Variants in AK5 observed in about 807,000 individuals in gnomAD.
AK5 encodes adenylate kinase isoenzyme 5.
In AK5, 27 loss-of-function variants were observed where a neutral mutation model predicts 69.5. That is an observed-to-expected ratio of 0.39 (90% confidence interval 0.29 to 0.54). AK5 has a LOEUF of 0.54. Ranked by LOEUF, AK5 falls within the 20% of genes least tolerant of loss-of-function variation. AK5 has a pLI of 0.71. For synonymous variants in AK5, 260 were observed against 244.4 expected, an observed-to-expected ratio of 1.06 and a Z score of -0.60; for missense variants, 531 against 700.4, an observed-to-expected ratio of 0.76 and a Z score of 2.73.
chr1:77,333,596 T>G (rs1001215265), intron 5 of AK5, among the ~76,000 whole-genome samples: 6 of 150,528 alleles, frequency 4.0e-5, no homozygotes, highest in Non-Finnish European at 7.4e-5. Context: ...TTTTTTGTGA[T>G]TATTCTAGAG....
At chr1:77,367,883 A>AT (rs1553140089) in intron 6 of AK5, among the ~76,000 whole-genome samples, 3,900 of 7,366 alleles carry the variant, frequency 0.53, 1,663 homozygotes, top group Middle Eastern at 1. Context: ...ATATAATATA[A>AT]AATATATGTG....
In AK5 at chr1:77,536,039, G is replaced by C. The variant is rs758437839; in HGVS notation, c.1620+1G>C. Reference sequence around the variant, plus strand: ...CGAGACAAAAACACAGCTACACAAGGCGAGTCACTTCACTTTCTCCTCTGA... The same window carrying C: ...CGAGACAAAAACACAGCTACACAAGCCGAGTCACTTCACTTTCTCCTCTGA... On this transcript the variant is annotated splice_donor_variant, in intron 13 of 13. Coordinates refer to ENST00000354567, the MANE Select transcript of AK5 (RefSeq NM_174858.3). LOFTEE classifies it high-confidence loss of function. 4.4e-6 allele frequency: 7 copies of C among 1,605,184 alleles called. No homozygotes were observed. Among genetic ancestry groups the C allele is most frequent in the Non-Finnish European group, 5.9e-6 (7 of 1,176,920 alleles).
chr1:77,456,921 T>A (rs74092652), intron 8 of AK5, among the ~76,000 whole-genome samples: 6,664 of 143,852 alleles, frequency 0.046, 376 homozygotes, highest in East Asian at 0.19. Context: ...GTAGTTTCCT[T>A]AAAAAAAAAA....
chr1:77,290,340 G>C lies in AK5; in HGVS notation c.247+3213G>C, dbSNP rs182151329. Among the ~76,000 whole-genome samples the C allele has an allele frequency of 3.7e-4, 56 of 152,288 alleles. No homozygotes were observed. In the East Asian group the frequency reaches 9.6e-3, roughly 26 times the overall value. ...ATTCAACAAAATTGCTAACTGCCCA[G>C]TATCTTAAAGCATACTGATTATTTC... is the stretch of plus-strand genomic sequence containing the variant. On this transcript the variant is annotated intron_variant, in intron 2 of 13. Coordinates refer to ENST00000354567, the MANE Select transcript of AK5 (RefSeq NM_174858.3).
intron 6 of AK5, among the ~76,000 whole-genome samples, chr1:77,396,236 C>T (rs942995593): frequency 6.6e-6 from 1 of 152,184 alleles, no homozygotes; most frequent in Non-Finnish European, 1.5e-5. Context: ...ATTTTTAAAT[C>T]TATTTGCATA....
intron 8 of AK5, among the ~76,000 whole-genome samples, chr1:77,428,827 C>T (rs1164505364): frequency 1.3e-5 from 2 of 151,472 alleles, no homozygotes; most frequent in Admixed American, 1.3e-4. Flanking sequence ...TTGTTCAATT[C>T]CCACCTATGA....
chr1:77,543,664 C>G (rs974664899), intron 13 of AK5, among the ~76,000 whole-genome samples: 5 of 152,118 alleles, frequency 3.3e-5, no homozygotes, highest in Non-Finnish European at 7.3e-5. Flanking sequence ...TCTCAAGTAG[C>G]TGGGACCATA....
intron 8 of AK5, among the ~76,000 whole-genome samples, chr1:77,437,788 T>G (rs904951948): frequency 1.3e-5 from 2 of 151,172 alleles, no homozygotes; most frequent in African/African-American, 2.4e-5. Context: ...ATTTAAAGGG[T>G]TTTTTTTTCC....
chr1:77,372,419 T>A (rs1390994626), intron 6 of AK5, among the ~76,000 whole-genome samples: 1 of 152,182 alleles, frequency 6.6e-6, no homozygotes, highest in Non-Finnish European at 1.5e-5. Context: ...GAAAAACAGT[T>A]ATTACATTTC....
At chr1:77,462,305 A>ATGGG (rs1314050597) in intron 8 of AK5, among the ~76,000 whole-genome samples, 1 of 22,644 alleles carries the variant, frequency 4.4e-5, no homozygotes, top group Non-Finnish European at 1.1e-4. Context: ...TGTTGGATAG[A>ATGGG]TGGATGGATG....
chr1:77,558,486 T>C (rs1336385616), intron 13 of AK5, 116 bp from the exon 14 acceptor site: 15 of 493,134 alleles, frequency 3.0e-5, no homozygotes, highest in Admixed American at 4.0e-5. Context: ...TTGGGGGGGG[T>C]CTTGTGTTTT....
At chr1:77,300,923 T>G (rs1187291989) in intron 5 of AK5, among the ~76,000 whole-genome samples, 1 of 152,176 alleles carries the variant, frequency 6.6e-6, no homozygotes, top group African/African-American at 2.4e-5. Context: ...TCCTCAAGGT[T>G]TTGCGTTAAC....
chr1:77,310,677 G>C (rs1004418269), intron 5 of AK5, among the ~76,000 whole-genome samples: 1 of 151,852 alleles, frequency 6.6e-6, no homozygotes, highest in Non-Finnish European at 1.5e-5. Context: ...CACCGCACCC[G>C]GCCCTATTCT....
chr1:77,340,598 T>C (rs761241813), intron 6 of AK5, 30 bp downstream of exon 6: 1 of 1,593,380 alleles, frequency 6.3e-7, no homozygotes, highest in Non-Finnish European at 8.6e-7. Flanking sequence ...ACAAGTCCAA[T>C]ACAAGAGCGC....
intron 6 of AK5, among the ~76,000 whole-genome samples, chr1:77,355,085 A>T (rs1240125070): frequency 6.6e-6 from 1 of 152,214 alleles, no homozygotes; most frequent in Non-Finnish European, 1.5e-5. Flanking sequence ...ATGACAAATG[A>T]ATTCTAGCAG....
intron 6 of AK5, among the ~76,000 whole-genome samples, chr1:77,342,469 A>G (rs1165174860): frequency 6.6e-6 from 1 of 152,188 alleles, no homozygotes; most frequent in Non-Finnish European, 1.5e-5. Context: ...GTCAATAACA[A>G]TGTGGATGAC....
Position 77,297,803 on chromosome 1 carries a change from G to T in AK5, c.586-31G>T, listed in dbSNP as rs1553128503. ...TGAGTATACTAAGTTTAACTGTGGG[G>T]TTTTTTTGTCATCCTTTCTGTTTAT... On this transcript the variant is annotated intron_variant, in intron 4 of 13. Coordinates refer to ENST00000354567, the MANE Select transcript of AK5 (RefSeq NM_174858.3). 26 of 1,605,300 alleles carry T rather than the reference G, an allele frequency of 1.6e-5. No individual in the cohort carries two copies. The South Asian group carries it at 2.1e-4, about 13-fold the overall frequency.
intron 13 of AK5, among the ~76,000 whole-genome samples, chr1:77,545,265 C>T (rs1283445037): frequency 6.6e-6 from 1 of 152,036 alleles, no homozygotes; most frequent in East Asian, 1.9e-4. Flanking sequence ...TTTCTTCTTT[C>T]CTCCAGCCCC....
intron 10 of AK5, among the ~76,000 whole-genome samples, chr1:77,493,759 T>C (rs1002573368): frequency 7.4e-4 from 112 of 152,188 alleles, no homozygotes; most frequent in African/African-American, 2.7e-3. Flanking sequence ...TTCAGGATGG[T>C]AGAGTAAAGA....
Sources: allele counts gnomAD v4.1 joint callset (sites outside exome capture counted in the v4.1 genomes callset), GRCh38; gene constraint gnomAD v4.1.1; transcripts MANE v1.5; gene names NCBI Gene and HGNC (gene_info 2026-07-23, HGNC 2026-07-21).